Variants in GAPVD1 observed in about 807,000 individuals in gnomAD.
GAPVD1 encodes GTPase activating protein and VPS9 domains 1.
GAPVD1 carries 35 observed loss-of-function variants against 155.5 expected under a neutral mutation model. That is an observed-to-expected ratio of 0.23 (90% CI 0.17 to 0.30). The LOEUF (loss-of-function observed/expected upper bound fraction) is 0.30, where lower values mean the gene tolerates loss of function less well. Among genes scored for constraint, GAPVD1 ranks in the 10% least tolerant of loss-of-function variants. The pLI is 1.00. For synonymous variants in GAPVD1, 636 were observed against 619.7 expected (o/e 1.03, Z -0.39); for missense variants, 1,429 against 1,775.7 (o/e 0.80, Z 3.51).
intron 1 of GAPVD1, among the ~76,000 whole-genome samples, chr9:125,265,368 A>G (rs1175411997): frequency 6.6e-6 from 1 of 151,484 alleles, no homozygotes; most frequent in Non-Finnish European, 1.5e-5. Flanking sequence ...CTTACCAAGT[A>G]GCTAGGACTA....
At position 125,307,518 on chromosome 9, in the gene GAPVD1, T is replaced by G; in HGVS notation, c.1222T>G (p.Tyr408Asp). 1.2e-6 allele frequency: 2 copies of G among 1,612,254 alleles called. No homozygotes were observed. Among genetic ancestry groups the G allele is most frequent in the Non-Finnish European group, 1.7e-6 (2 of 1,178,654 alleles). Residue 408 changes from tyrosine (Y) to aspartate (D), a missense_variant, in exon 7 of 28, where the codon TAT becomes GAT. This residue lies in a region of GAPVD1 where 628 missense variants were observed against 733.4 expected (regional missense o/e 0.86). Transcript: ENST00000297933. ...LLEGLSRTVV[Y>D]ITYSQLITLV... ...GGAAGGATTGAGCAGAACTGTGGTTTATATAACCTACAGTCAGCTTATTAC... is the reference window on the plus strand; with the variant it reads ...GGAAGGATTGAGCAGAACTGTGGTTGATATAACCTACAGTCAGCTTATTAC...
At chr9:125,345,868 T>A (rs745558118) in intron 19 of GAPVD1, 4 of 147,306 alleles carry the variant, frequency 2.7e-5, no homozygotes, top group Admixed American at 2.7e-4. Flanking sequence ...TACACATAAG[T>A]GTGTGTGTGT....
rs1201926622 is a variant in GAPVD1 at position 125,304,411 on chromosome 9, TTTTG to T, written c.1030-644_1030-641del. ...TGGTAGATAATGTATTTGTAGTTTT[TTTTG>T]TTTGTTTTTTTTGTCATTCCAGTAG... is the stretch of plus-strand genomic sequence containing the variant. On this transcript the variant is annotated intron_variant, in intron 5 of 27. Transcript: ENST00000297933. Among the ~76,000 whole-genome samples, 6 of 152,338 alleles carry T rather than the reference TTTTG, an allele frequency of 3.9e-5. No homozygotes were observed. The South Asian group carries it at 8.3e-4, about 21-fold the overall frequency.
chr9:125,367,077 A>G lies in GAPVD1; in HGVS notation c.*4331A>G, dbSNP rs1265798356. 6.6e-6 allele frequency: 1 copy of G among 152,228 alleles called. No individual in the cohort carries two copies. Among genetic ancestry groups the G allele is most frequent in the Non-Finnish European group, 1.5e-5 (1 of 68,042 alleles). The allele number at this position is 152,228 out of a possible 1,614,324, so 9.4% of individuals were successfully genotyped here. On this transcript the variant is annotated 3_prime_UTR_variant, in exon 28 of 28. Transcript: ENST00000297933. ...CTTTTGAAACAGATAAAACCTTTCT[A>G]TAAGTCTCAATTAATGAGCTTGCAC...
chr9:125,360,200 A>C (rs1850705847), intron 26 of GAPVD1, among the ~76,000 whole-genome samples: 1 of 152,238 alleles, frequency 6.6e-6, no homozygotes, highest in African/African-American at 2.4e-5. Context: ...TTCTGGAATC[A>C]GCTACTAAAT....
rs574610857 is a variant in GAPVD1, at chr9:125,298,213, G to A, written c.-32-677G>A. On this transcript the variant is annotated intron_variant, in intron 3 of 27. Transcript: ENST00000297933. Reference sequence around the variant, plus strand: ...AGTAGTCAGATTTTAAATATATTTTGAAGATAGAATCAACAGGATATTTTG... The same window carrying A: ...AGTAGTCAGATTTTAAATATATTTTAAAGATAGAATCAACAGGATATTTTG... Among the ~76,000 whole-genome samples the A allele has an allele frequency of 7.9e-5, 12 of 152,250 alleles. No individual in the cohort carries two copies. In the South Asian group the frequency reaches 2.5e-3, roughly 32 times the overall value.
Position 125,294,374 on chromosome 9 carries a change from A to G in GAPVD1, c.-149-1084A>G, listed in dbSNP as rs139406800. Among the ~76,000 whole-genome samples, 1,245 of 143,058 alleles carry G rather than the reference A, an allele frequency of 8.7e-3. 10 individuals are homozygous for G. The highest frequency in any genetic ancestry group is 0.015 in the Non-Finnish European group (1,006 of 65,820). The allele number at this position is 143,058 out of a possible 152,430, so 93.9% of individuals were successfully genotyped here. On this transcript the variant is annotated intron_variant, in intron 2 of 27. Coordinates refer to ENST00000297933, the MANE Select transcript of GAPVD1 (RefSeq NM_001282680.3). ...TTTTTTTTTTTTTTTTTGAGACGGA[A>G]TCTCGCTCTGTCGCCCAGGCTGGAG...
rs111375727 is a variant in GAPVD1 at position 125,291,288 on chromosome 9, G to C, written c.-149-4170G>C. 4.1e-3 allele frequency among the ~76,000 whole-genome samples: 623 copies of C among 152,032 alleles called. 1 individual carries two copies. Among genetic ancestry groups the C allele is most frequent in the Non-Finnish European group, 7.7e-3 (520 of 67,946 alleles). On this transcript the variant is annotated intron_variant, in intron 2 of 27. Transcript: ENST00000297933. ...GGCATCAGAGAAAGACCTTATCTAA[G>C]GGAAGAAAAAAAAGGATACTAGCGT...
At chr9:125,269,266 A>G (rs1418290992) in intron 2 of GAPVD1, among the ~76,000 whole-genome samples, 1 of 152,076 alleles carries the variant, frequency 6.6e-6, no homozygotes, top group African/African-American at 2.4e-5. Flanking sequence ...CTAGTACTTG[A>G]AAAAATAATT....
At position 125,262,157 on chromosome 9, in the gene GAPVD1, T is replaced by C. The variant is rs538896370; in HGVS notation, c.-199+198T>C. 1.6e-3 allele frequency among the ~76,000 whole-genome samples: 249 copies of C among 151,576 alleles called. 1 individual carries two copies. Among genetic ancestry groups the C allele is most frequent in the African/African-American group, 5.6e-3 (232 of 41,314 alleles). On this transcript the variant is annotated intron_variant, in intron 1 of 27. Coordinates refer to ENST00000297933, the MANE Select transcript of GAPVD1 (RefSeq NM_001282680.3). ...CACTGGGTTAGACCCAGGGGAGAGA[T>C]GTGGCGGCGCGCAGGAGCCAGGGCG... is the stretch of plus-strand genomic sequence containing the variant.
At chr9:125,305,281 C>A in intron 6 of GAPVD1, 132 bp downstream of exon 6, 4 of 569,916 alleles carry the variant, frequency 7.0e-6, no homozygotes, top group Admixed American at 2.9e-5. Context: ...GGATCAGCAG[C>A]ATTTAAAGAT....
intron 25 of GAPVD1, among the ~76,000 whole-genome samples, chr9:125,357,706 G>A (rs1850298397): frequency 6.6e-6 from 1 of 152,088 alleles, no homozygotes; most frequent in African/African-American, 2.4e-5. Context: ...GGGCGCAGTG[G>A]CGTATGCCTG....
intron 1 of GAPVD1, chr9:125,263,799 G>C: frequency 2.9e-6 from 3 of 1,033,548 alleles, no homozygotes; most frequent in Non-Finnish European, 4.5e-6. Context: ...GCTGAGGCCT[G>C]CCGGTCTCTG....
chr9:125,360,739 T>A lies in GAPVD1; in HGVS notation c.4242+14T>A. 1 of 1,596,134 alleles carries A rather than the reference T, an allele frequency of 6.3e-7. No homozygotes were observed. Among genetic ancestry groups the A allele is most frequent in the Non-Finnish European group, 8.6e-7 (1 of 1,164,438 alleles). ...GTGTTGATAAAGGTGGGCCCCTTAC[T>A]ACTATCAGTTAAGGAGTTATGTGGC... On this transcript the variant is annotated intron_variant, in intron 27 of 27. Coordinates refer to ENST00000297933, the MANE Select transcript of GAPVD1 (RefSeq NM_001282680.3).
chr9:125,344,470 T>C (rs1025563174), intron 19 of GAPVD1, among the ~76,000 whole-genome samples: 7 of 152,234 alleles, frequency 4.6e-5, no homozygotes, highest in Non-Finnish European at 8.8e-5. Flanking sequence ...CAATTTTTTA[T>C]TATGAAAATA....
chr9:125,302,293 A>G lies in GAPVD1; in HGVS notation c.496A>G (p.Asn166Asp). 1 of 1,614,104 alleles carries G rather than the reference A, an allele frequency of 6.2e-7. No individual in the cohort carries two copies. The highest frequency in any genetic ancestry group is 8.5e-7 in the Non-Finnish European group (1 of 1,179,942). The change falls in exon 5 of 28, where the codon AAC becomes GAC. Residue 166 changes from asparagine to aspartate, a missense_variant. Physicochemically the swap from Asn to Asp is conservative, Grantham distance 23. Around this residue, in one of 4 missense-constraint regions of GAPVD1, gnomAD observed 628 missense variants for 733.4 expected, o/e 0.86. Coordinates refer to ENST00000297933, the MANE Select transcript of GAPVD1 (RefSeq NM_001282680.3). The stretch of plus-strand genomic sequence containing the variant: ...TGAATTTGAACTTAAAGAAAGTGAC[A>G]ACCCTAGGCGACTTTTGAGGAGAGG... Reference protein sequence around the residue: ...LIEFELKESDNPRRLLRRGTC... With the variant: ...LIEFELKESDDPRRLLRRGTC...
intron 21 of GAPVD1, 108 bp downstream of exon 21, chr9:125,349,627 G>T: frequency 1.1e-6 from 1 of 910,472 alleles, no homozygotes. Flanking sequence ...AAAGCAGGGA[G>T]AGAAAAATGA....
At chr9:125,311,702 T>C (rs1842711412) in intron 8 of GAPVD1, among the ~76,000 whole-genome samples, 1 of 150,026 alleles carries the variant, frequency 6.7e-6, no homozygotes, top group South Asian at 2.1e-4. Context: ...TAGGTTTTCA[T>C]ATAAAATTTT....
intron 23 of GAPVD1, among the ~76,000 whole-genome samples, chr9:125,353,551 T>C (rs1182988847): frequency 6.6e-6 from 1 of 152,182 alleles, no homozygotes; most frequent in African/African-American, 2.4e-5. Flanking sequence ...TTGTCTGTTA[T>C]TATGCTGCTG....
Sources: gnomAD v4.1 joint callset for allele counts (sites outside exome capture counted in the v4.1 genomes callset) on GRCh38, gnomAD v4.1.1 for gene constraint, gnomAD v4.1.1 regional missense constraint, MANE v1.5 for transcripts, NCBI Gene and HGNC (gene_info 2026-07-23, HGNC 2026-07-21) for gene names.